Variants in PPM1E observed in about 807,000 individuals in gnomAD.
PPM1E encodes protein phosphatase, Mg2+/Mn2+ dependent 1E.
PPM1E carries 20 observed loss-of-function variants against 65.9 expected under a neutral mutation model. That is an observed-to-expected ratio of 0.30 (90% CI 0.21 to 0.44). The LOEUF is 0.44. PPM1E is among the 20% of genes least tolerant of loss of function. PPM1E has a pLI of 1.00. For missense variants in PPM1E, 713 were observed against 953.1 expected, an observed-to-expected ratio of 0.75 and a Z score of 3.32; for synonymous variants, 352 against 374.9, an observed-to-expected ratio of 0.94 and a Z score of 0.70.
chr17:58,962,111 C>A (rs2030049451), intron 2 of PPM1E, among the ~76,000 whole-genome samples: 1 of 151,948 alleles, frequency 6.6e-6, no homozygotes, highest in African/African-American at 2.4e-5. Context: ...ATGGAGAAAC[C>A]CCGTCTCTAC....
intron 1 of PPM1E, among the ~76,000 whole-genome samples, chr17:58,924,905 T>A (rs183427114): frequency 6.6e-6 from 1 of 152,258 alleles, no homozygotes; most frequent in Admixed American, 6.5e-5. Flanking sequence ...AAGAACATGA[T>A]CTCATTCCTT....
In PPM1E at chr17:58,869,216, A is replaced by T. The variant is rs527256241; in HGVS notation, c.465-86433A>T. Among the ~76,000 whole-genome samples the T allele has an allele frequency of 2.0e-5, 3 of 152,306 alleles. No individual in the cohort carries two copies. The South Asian group carries it at 6.2e-4, about 32-fold the overall frequency. Reference sequence around the variant, plus strand: ...AGGAAGTATCATTTTGGTGGTTAGTATAACTTTATTCTGATAGGCCTGAAT... The same window carrying T: ...AGGAAGTATCATTTTGGTGGTTAGTTTAACTTTATTCTGATAGGCCTGAAT... On this transcript the variant is annotated intron_variant, in intron 1 of 6. Transcript: ENST00000308249.
At chr17:58,777,087 A>G (rs1567830381) in intron 1 of PPM1E, among the ~76,000 whole-genome samples, 3 of 152,046 alleles carry the variant, frequency 2.0e-5, no homozygotes, top group Admixed American at 6.6e-5. Flanking sequence ...TTAACCAGGC[A>G]TGGTAGTGCC....
At chr17:58,757,252 T>A (rs2049777915) in intron 1 of PPM1E, among the ~76,000 whole-genome samples, 1 of 152,114 alleles carries the variant, frequency 6.6e-6, no homozygotes. Flanking sequence ...TAAATTGCAA[T>A]TAGGTGCAGT....
At chr17:58,963,404 C>A (rs9916530) in intron 2 of PPM1E, among the ~76,000 whole-genome samples, 92,420 of 142,642 alleles carry the variant, frequency 0.65, 29,133 homozygotes, top group Middle Eastern at 0.73. Flanking sequence ...AAAAAAAAAA[C>A]TTGGCCGGGC....
intron 1 of PPM1E, among the ~76,000 whole-genome samples, chr17:58,764,756 G>C (rs945585579): frequency 6.6e-6 from 1 of 151,920 alleles, no homozygotes; most frequent in Non-Finnish European, 1.5e-5. Context: ...ACCATGCTCG[G>C]CTAATTTTTA....
At position 58,980,775 on chromosome 17, in the gene PPM1E, GCCA is replaced by G. The variant is rs1408079862; in HGVS notation, c.2017_2019del (p.His673del). 7 of 1,613,936 alleles carry G rather than the reference GCCA, an allele frequency of 4.3e-6. No homozygotes were observed. In the African/African-American group the frequency reaches 9.3e-5, roughly 22 times the overall value. On this transcript the variant is annotated inframe_deletion, in exon 7 of 7. Transcript: ENST00000308249. The surrounding 1 kb of genome is among the most constrained non-coding windows in gnomAD (Gnocchi z 4.7). ...AGAGTTTCTAGATTGTCTCATTTAC[GCCA>G]CCACTACTCAAAGAAGTGGCACAGA...
chr17:58,756,171 G>T lies in PPM1E; in HGVS notation c.174G>T (p.Ala58=). The T allele has an allele frequency of 6.3e-7, 1 of 1,578,572 alleles. No homozygotes were observed. Among genetic ancestry groups the T allele is most frequent in the Non-Finnish European group, 8.6e-7 (1 of 1,162,126 alleles). Residue 58 remains alanine (A), a synonymous_variant, in exon 1 of 7, where the codon GCG becomes GCT. Coordinates refer to ENST00000308249, the MANE Select transcript of PPM1E (RefSeq NM_014906.5). ...EPEPELVEAE[A]AEASVEEPGE... ...AACCTGAACTGGTAGAAGCTGAGGC[G>T]GCCGAGGCTTCGGTAGAGGAACCCG... is the stretch of plus-strand genomic sequence containing the variant.
intron 1 of PPM1E, among the ~76,000 whole-genome samples, chr17:58,823,037 G>T (rs560791565): frequency 6.6e-6 from 1 of 152,154 alleles, no homozygotes; most frequent in African/African-American, 2.4e-5. Context: ...TTGACCTGGG[G>T]CAAGCCCTTC....
intron 1 of PPM1E, among the ~76,000 whole-genome samples, chr17:58,847,427 C>T (rs1023633492): frequency 3.9e-5 from 6 of 152,004 alleles, no homozygotes; most frequent in African/African-American, 7.2e-5. Flanking sequence ...GTCTTTAATC[C>T]ATCTTGAATT....
chr17:58,915,009 A>G (rs1286762640), intron 1 of PPM1E, among the ~76,000 whole-genome samples: 1 of 152,170 alleles, frequency 6.6e-6, no homozygotes, highest in African/African-American at 2.4e-5. Flanking sequence ...CTGCTTTTGT[A>G]ATAATCCACA....
intron 1 of PPM1E, among the ~76,000 whole-genome samples, chr17:58,948,352 A>G (rs541493564): frequency 6.2e-4 from 94 of 152,240 alleles, no homozygotes; most frequent in Non-Finnish European, 8.5e-4. Flanking sequence ...ACATCCCCTA[A>G]GATTTCCCAA....
chr17:58,908,683 G>A (rs1176475910), intron 1 of PPM1E, among the ~76,000 whole-genome samples: 3 of 151,936 alleles, frequency 2.0e-5, no homozygotes, highest in African/African-American at 4.8e-5. Context: ...CAGGTGATCC[G>A]CCCACCTTGG....
intron 1 of PPM1E, among the ~76,000 whole-genome samples, chr17:58,790,370 A>G (rs972663172): frequency 6.6e-6 from 1 of 151,898 alleles, no homozygotes; most frequent in Non-Finnish European, 1.5e-5. Flanking sequence ...TCTTGTCTTG[A>G]GTTTATGATC....
chr17:58,830,034 GC>G (rs1462560195), intron 1 of PPM1E, among the ~76,000 whole-genome samples: 2 of 151,990 alleles, frequency 1.3e-5, no homozygotes, highest in Non-Finnish European at 2.9e-5. Flanking sequence ...AATTAGCCAG[GC>G]ATGGTGGCCC....
chr17:58,840,505 T>A (rs1491001622), intron 1 of PPM1E, among the ~76,000 whole-genome samples: 1 of 152,184 alleles, frequency 6.6e-6, no homozygotes, highest in Non-Finnish European at 1.5e-5. Flanking sequence ...CAGATCTTGG[T>A]TTCTAATATT....
At chr17:58,783,839 C>T (rs1189491929) in intron 1 of PPM1E, among the ~76,000 whole-genome samples, 2 of 151,888 alleles carry the variant, frequency 1.3e-5, no homozygotes, top group Non-Finnish European at 2.9e-5. Flanking sequence ...TCCCGAGTAG[C>T]TGGGATTACA....
At chr17:58,818,738 C>G (rs2050451274) in intron 1 of PPM1E, among the ~76,000 whole-genome samples, 1 of 152,182 alleles carries the variant, frequency 6.6e-6, no homozygotes, top group Non-Finnish European at 1.5e-5. Flanking sequence ...GAGTGCTTCT[C>G]TACCTCCTTG....
chr17:58,763,723 T>G (rs1333604290), intron 1 of PPM1E, among the ~76,000 whole-genome samples: 1 of 152,186 alleles, frequency 6.6e-6, no homozygotes, highest in Non-Finnish European at 1.5e-5. Flanking sequence ...TTCTCTACGT[T>G]CTTGCTACCA....
Sources: gnomAD v4.1 joint callset for allele counts (sites outside exome capture counted in the v4.1 genomes callset) on GRCh38, gnomAD v4.1.1 for gene constraint, Gnocchi (gnomAD v3.1) non-coding constraint, MANE v1.5 for transcripts, NCBI Gene and HGNC (gene_info 2026-07-23, HGNC 2026-07-21) for gene names.